KIAA1217: variants seen among roughly 807,000 people sequenced by gnomAD.
KIAA1217 encodes the protein sickle tail protein homolog.
In KIAA1217, 88 loss-of-function variants were observed where a neutral mutation model predicts 163.9. The ratio of observed to expected loss-of-function variants is 0.54; its 90% CI spans 0.45 to 0.64. The LOEUF (loss-of-function observed/expected upper bound fraction) is 0.64, where lower values mean the gene tolerates loss of function less well. Ranked by LOEUF, KIAA1217 falls within the 30% of genes least tolerant of loss-of-function variation. The pLI is 0.00. For missense variants in KIAA1217, 2,372 were observed against 2,475.0 expected (o/e 0.96, Z 0.88); for synonymous variants, 903 against 923.1 (o/e 0.98, Z 0.39).
chr10:23,730,786 CT>C (rs67267303), intron 1 of KIAA1217, among the ~76,000 whole-genome samples: 33,200 of 151,906 alleles, frequency 0.22, 3,861 homozygotes, highest in Middle Eastern at 0.29. Context: ...ATCTCAAATT[CT>C]TTCTTGTTTA....
intron 1 of KIAA1217, among the ~76,000 whole-genome samples, chr10:23,799,293 G>A (rs537469800): frequency 3.5e-4 from 53 of 152,232 alleles, no homozygotes; most frequent in Non-Finnish European, 4.7e-4. Context: ...TTTTGAAGAG[G>A]AAACTATTCG....
intron 2 of KIAA1217, among the ~76,000 whole-genome samples, chr10:24,371,694 C>T (rs1932594): frequency 0.16 from 23,885 of 152,078 alleles, 2,122 homozygotes; most frequent in South Asian, 0.3. Context: ...TCTCTAATGA[C>T]AAGTTCTTAA....
intron 2 of KIAA1217, among the ~76,000 whole-genome samples, chr10:24,042,975 C>T (rs974504309): frequency 1.3e-5 from 2 of 152,080 alleles, no homozygotes; most frequent in African/African-American, 2.4e-5. Flanking sequence ...CATTGAAAAG[C>T]GTGATAAAAA....
chr10:23,945,246 G>A (rs1166047830), intron 1 of KIAA1217, among the ~76,000 whole-genome samples: 1 of 152,086 alleles, frequency 6.6e-6, no homozygotes, highest in Non-Finnish European at 1.5e-5. Context: ...ATCAGTGGGA[G>A]AGGATAAACA....
chr10:24,185,491 C>G (rs1344842718), intron 2 of KIAA1217, among the ~76,000 whole-genome samples: 1 of 152,042 alleles, frequency 6.6e-6, no homozygotes, highest in African/African-American at 2.4e-5. Flanking sequence ...CCTAATTTAC[C>G]AGCTTTAAAG....
chr10:24,011,263 A>T (rs1847225491), intron 2 of KIAA1217, among the ~76,000 whole-genome samples: 2 of 152,060 alleles, frequency 1.3e-5, no homozygotes, highest in Non-Finnish European at 2.9e-5. Context: ...AGGCAGGAGG[A>T]TCTCTTGAGG....
chr10:24,271,441 C>T (rs1224502705), intron 2 of KIAA1217, among the ~76,000 whole-genome samples: 2 of 152,110 alleles, frequency 1.3e-5, no homozygotes, highest in Non-Finnish European at 2.9e-5. Flanking sequence ...TATACTTACT[C>T]TTTACTAAAG....
intron 3 of KIAA1217, among the ~76,000 whole-genome samples, chr10:24,424,428 A>G (rs2059015600): frequency 6.6e-6 from 1 of 152,234 alleles, no homozygotes; most frequent in African/African-American, 2.4e-5. Context: ...CCAAGAAGAA[A>G]GAGATTGAGT....
At chr10:24,149,417 C>T (rs992266936) in intron 2 of KIAA1217, among the ~76,000 whole-genome samples, 6 of 151,718 alleles carry the variant, frequency 4.0e-5, no homozygotes, top group African/African-American at 1.5e-4. Flanking sequence ...CTCCTGACCT[C>T]GAGGGATCTG....
intron 4 of KIAA1217, 101 bp downstream of exon 4, chr10:24,433,294 C>CA: frequency 2.5e-6 from 2 of 811,332 alleles, no homozygotes; most frequent in Non-Finnish European, 3.8e-6. Context: ...CACTATATTG[C>CA]ATTTAGAGTG....
intron 1 of KIAA1217, among the ~76,000 whole-genome samples, chr10:23,988,717 T>C (rs916252664): frequency 6.7e-4 from 102 of 152,218 alleles, no homozygotes; most frequent in African/African-American, 2.3e-3. Flanking sequence ...CCTATTTACT[T>C]ACATTAATAA....
At position 23,718,495 on chromosome 10, in the gene KIAA1217, C is replaced by T. The variant is rs147328554; in HGVS notation, c.-321+23261C>T. Among the ~76,000 whole-genome samples, 24 of 152,198 alleles carry T rather than the reference C, an allele frequency of 1.6e-4. No homozygotes were observed. In the East Asian group the frequency reaches 4.4e-3, roughly 28 times the overall value. ...TTTTTGTTTGCTTTGTTATTCCTCA[C>T]AAGCTTAAAACAGTTTTAAAATTGC... On this transcript the variant is annotated intron_variant, in intron 1 of 18. Coordinates refer to the KIAA1217 transcript ENST00000376462.
chr10:24,183,842 T>C (rs760782361), intron 2 of KIAA1217, among the ~76,000 whole-genome samples: 6 of 152,266 alleles, frequency 3.9e-5, no homozygotes, highest in African/African-American at 9.6e-5. Flanking sequence ...CTATATGCTA[T>C]ATGACAGCCT....
chr10:24,091,496 T>A (rs1047094507), intron 2 of KIAA1217, among the ~76,000 whole-genome samples: 4 of 151,848 alleles, frequency 2.6e-5, no homozygotes, highest in African/African-American at 9.7e-5. Context: ...AGCAAGGAAA[T>A]GTGTTTACGT....
At chr10:24,510,575 T>C (rs1053476787) in intron 9 of KIAA1217, among the ~76,000 whole-genome samples, 2 of 152,200 alleles carry the variant, frequency 1.3e-5, no homozygotes, top group African/African-American at 2.4e-5. Flanking sequence ...GACCCAGGCA[T>C]TGGTCACTCT....
chr10:24,239,348 G>C, intron 2 of KIAA1217: 2 of 974,600 alleles, frequency 2.1e-6, no homozygotes, highest in South Asian at 4.7e-5. Context: ...GTAAATATGC[G>C]GGGTTTTTTT....
At chr10:23,715,497 T>C (rs1211813706) in intron 1 of KIAA1217, among the ~76,000 whole-genome samples, 1 of 152,196 alleles carries the variant, frequency 6.6e-6, no homozygotes, top group East Asian at 1.9e-4. Flanking sequence ...ATTACCTTTT[T>C]ACTATTGAGT....
At chr10:24,384,371 T>G (rs1048554137) in intron 3 of KIAA1217, among the ~76,000 whole-genome samples, 1 of 152,198 alleles carries the variant, frequency 6.6e-6, no homozygotes, top group Non-Finnish European at 1.5e-5. Context: ...CATACACCCT[T>G]GGCCTCCACG....
intron 2 of KIAA1217, among the ~76,000 whole-genome samples, chr10:24,336,661 A>C (rs1296713973): frequency 1.3e-5 from 2 of 152,216 alleles, no homozygotes; most frequent in Non-Finnish European, 2.9e-5. Flanking sequence ...CTTTGATATA[A>C]AGGATATAAA....
Sources: gnomAD v4.1 joint callset for allele counts (sites outside exome capture counted in the v4.1 genomes callset) on GRCh38, gnomAD v4.1.1 for gene constraint, MANE v1.5 for transcripts, NCBI Gene and HGNC (gene_info 2026-07-23, HGNC 2026-07-21) for gene names.